Variants in DGKI observed in about 807,000 individuals in gnomAD.
DGKI encodes DAG kinase iota.
Under a neutral mutation model 147.5 loss-of-function variants are expected in DGKI, and 55 were observed. That is an observed-to-expected ratio of 0.37 (90% confidence interval 0.30 to 0.47). The LOEUF is 0.47. Ranked by LOEUF, DGKI falls within the 20% of genes least tolerant of loss-of-function variation. The pLI, the probability that DGKI is intolerant of heterozygous loss-of-function variation, is 1.00. For synonymous variants in DGKI, 469 were observed against 477.1 expected (o/e 0.98, Z 0.22); for missense variants, 1,007 against 1,323.8 (o/e 0.76, Z 3.71).
rs186030583 is a variant in DGKI at position 137,669,894 on chromosome 7, T to C, written c.606+8663A>G. Among the ~76,000 whole-genome samples, 564 of 152,278 alleles carry C rather than the reference T, an allele frequency of 3.7e-3. 27 individuals carry two copies. Among genetic ancestry groups the C allele is most frequent in the Admixed American group, 0.035 (541 of 15,296 alleles). On this transcript the variant is annotated intron_variant, in intron 3 of 32. Transcript: ENST00000614521. The stretch of plus-strand genomic sequence containing the variant: ...AGACGAGTATGAGTCCTAGGAAAAC[T>C]GCAAAGCATTGTGTGAGCATTTCTC...
At chr7:137,502,902 C>A (rs1816229550) in intron 21 of DGKI, among the ~76,000 whole-genome samples, 1 of 152,068 alleles carries the variant, frequency 6.6e-6, no homozygotes, top group Non-Finnish European at 1.5e-5. Flanking sequence ...ACAGGCTGAC[C>A]AGCAGCTGAG....
chr7:137,393,817 T>C (rs77307140), intron 32 of DGKI, among the ~76,000 whole-genome samples: 1,791 of 152,232 alleles, frequency 0.012, 28 homozygotes, highest in African/African-American at 0.041. Flanking sequence ...TGGAGAGTTC[T>C]ATGTAATACA....
intron 23 of DGKI, among the ~76,000 whole-genome samples, chr7:137,476,137 C>T (rs1428168776): frequency 6.6e-6 from 1 of 152,074 alleles, no homozygotes; most frequent in East Asian, 1.9e-4. Context: ...CCAGCTGTCA[C>T]GATGTCAAGT....
At chr7:137,803,280 G>T (rs887690939) in intron 1 of DGKI, among the ~76,000 whole-genome samples, 1 of 152,118 alleles carries the variant, frequency 6.6e-6, no homozygotes, top group Admixed American at 6.5e-5. Flanking sequence ...GAAAAAGGGG[G>T]CTGTGATCAC....
chr7:137,525,329 C>A (rs1164074179), intron 20 of DGKI, among the ~76,000 whole-genome samples: 1 of 152,172 alleles, frequency 6.6e-6, no homozygotes, highest in Non-Finnish European at 1.5e-5. Context: ...CAGCAGCTTA[C>A]TTAAACCTAG....
intron 14 of DGKI, among the ~76,000 whole-genome samples, chr7:137,583,062 C>A (rs706558): frequency 6.6e-6 from 1 of 152,110 alleles, no homozygotes; most frequent in Non-Finnish European, 1.5e-5. Flanking sequence ...AGGAGAACTT[C>A]CTTTCATTAA....
chr7:137,632,514 T>C (rs58503212), intron 6 of DGKI, among the ~76,000 whole-genome samples: 21 of 152,212 alleles, frequency 1.4e-4, no homozygotes, highest in African/African-American at 4.6e-4. Context: ...CAAGTTGACA[T>C]GTATACCCTG....
At chr7:137,647,852 T>G (rs1354259499) in intron 5 of DGKI, among the ~76,000 whole-genome samples, 1 of 152,202 alleles carries the variant, frequency 6.6e-6, no homozygotes, top group Non-Finnish European at 1.5e-5. Flanking sequence ...CGCATTACAG[T>G]AGGGCACATT....
At chr7:137,722,216 A>C in intron 1 of DGKI, 1 of 1,599,954 alleles carries the variant, frequency 6.3e-7, no homozygotes, top group Non-Finnish European at 8.5e-7. Flanking sequence ...TCAGCCGCTA[A>C]ATCCAAGGTT....
chr7:137,514,841 C>G (rs1201432837), intron 21 of DGKI, among the ~76,000 whole-genome samples: 1 of 152,170 alleles, frequency 6.6e-6, no homozygotes, highest in African/African-American at 2.4e-5. Context: ...TGCCCTATTT[C>G]CATCATTGCA....
At chr7:137,510,593 C>A (rs1816547642) in intron 21 of DGKI, among the ~76,000 whole-genome samples, 1 of 152,202 alleles carries the variant, frequency 6.6e-6, no homozygotes, top group African/African-American at 2.4e-5. Context: ...AGATTCACAA[C>A]CATACCTAAA....
chr7:137,671,071 G>C (rs545123619), intron 3 of DGKI, among the ~76,000 whole-genome samples: 1 of 152,308 alleles, frequency 6.6e-6, no homozygotes, highest in East Asian at 1.9e-4. Flanking sequence ...CATTCTTCCT[G>C]AGATGAAACA....
intron 32 of DGKI, among the ~76,000 whole-genome samples, chr7:137,392,031 A>AT (rs1026810287): frequency 1.3e-5 from 2 of 152,166 alleles, no homozygotes; most frequent in African/African-American, 4.8e-5. Context: ...TGATAACTAG[A>AT]TTTTGTCTTT....
At chr7:137,395,729 T>C (rs1811526085) in intron 31 of DGKI, 32 bp from the exon 32 acceptor site, 1 of 1,605,372 alleles carries the variant, frequency 6.2e-7, no homozygotes, top group South Asian at 1.1e-5. Flanking sequence ...AAACCACCCA[T>C]AAAGGGGTTG....
chr7:137,722,370 C>A, intron 1 of DGKI: 1 of 1,612,874 alleles, frequency 6.2e-7, no homozygotes, highest in Non-Finnish European at 8.5e-7. Flanking sequence ...TGTTGAGCCA[C>A]AGCAAAAAAC....
At chr7:137,807,826 C>T (rs1797428651) in intron 1 of DGKI, among the ~76,000 whole-genome samples, 1 of 152,180 alleles carries the variant, frequency 6.6e-6, no homozygotes, top group African/African-American at 2.4e-5. Flanking sequence ...AACACTAGGA[C>T]CAACCCAGAG....
intron 16 of DGKI, among the ~76,000 whole-genome samples, chr7:137,577,846 A>G (rs992379274): frequency 5.3e-5 from 8 of 152,240 alleles, no homozygotes; most frequent in African/African-American, 1.7e-4. Flanking sequence ...GCGTCCATGA[A>G]AAACACCCCA....
At chr7:137,577,932 G>T (rs1264244342) in intron 16 of DGKI, among the ~76,000 whole-genome samples, 1 of 152,150 alleles carries the variant, frequency 6.6e-6, no homozygotes, top group Non-Finnish European at 1.5e-5. Context: ...AAATTCTTCA[G>T]ACATCCTCAG....
At chr7:137,407,606 T>A (rs1230435237) in intron 30 of DGKI, among the ~76,000 whole-genome samples, 7 of 147,110 alleles carry the variant, frequency 4.8e-5, no homozygotes, top group South Asian at 2.2e-4. Context: ...GTCCTCTATT[T>A]AAAAAAAAAA....
Sources: allele counts gnomAD v4.1 joint callset (sites outside exome capture counted in the v4.1 genomes callset), GRCh38; gene constraint gnomAD v4.1.1; transcripts MANE v1.5; gene names NCBI Gene and HGNC (gene_info 2026-07-23, HGNC 2026-07-21).